The following KCNG3 variants were observed in gnomAD, a reference collection of about 807,000 sequenced individuals.
KCNG3 encodes voltage-gated potassium channel regulatory subunit KCNG3.
KCNG3 carries 15 observed loss-of-function variants against 29.0 expected under a neutral mutation model. That is an observed-to-expected ratio of 0.52 (90% CI 0.35 to 0.80). KCNG3 has a LOEUF of 0.80. Among genes scored for constraint, KCNG3 ranks in the 30% least tolerant of loss-of-function variants. The pLI, the probability that KCNG3 is intolerant of heterozygous loss-of-function variation, is 0.01. For synonymous variants in KCNG3, 322 were observed against 248.9 expected (o/e 1.29, Z -2.76); for missense variants, 512 against 605.7 (o/e 0.85, Z 1.62).
At chr2:42,475,985 G>A (rs1572859511) in intron 1 of KCNG3, among the ~76,000 whole-genome samples, 1 of 152,170 alleles carries the variant, frequency 6.6e-6, no homozygotes, top group Non-Finnish European at 1.5e-5. Flanking sequence ...AGAATCACTT[G>A]AACCCGGGAG....
At chr2:42,464,636 G>A (rs1216530464) in intron 1 of KCNG3, among the ~76,000 whole-genome samples, 1 of 152,154 alleles carries the variant, frequency 6.6e-6, no homozygotes, top group East Asian at 1.9e-4. Context: ...CTAATGGAAA[G>A]TAACACAGTC....
At chr2:42,487,347 C>CTT (rs60025476) in intron 1 of KCNG3, among the ~76,000 whole-genome samples, 1 of 116,972 alleles carries the variant, frequency 8.5e-6, no homozygotes, top group Admixed American at 9.3e-5. Context: ...TTTTTTCTTT[C>CTT]TTTTTTTTTT....
intron 1 of KCNG3, among the ~76,000 whole-genome samples, chr2:42,481,481 G>A (rs1205198092): frequency 6.6e-6 from 1 of 152,078 alleles, no homozygotes; most frequent in Admixed American, 6.6e-5. Context: ...CAGGACCCTG[G>A]AGTCTATACT....
the KCNG3 span, among the ~76,000 whole-genome samples, chr2:42,391,220 T>C: frequency 3.2e-4 from 49 of 152,278 alleles, no homozygotes; most frequent in South Asian, 4.6e-3. Context: ...CATGGTGCTA[T>C]TGAAATCCCC....
At chr2:42,465,232 T>C (rs1673113336) in intron 1 of KCNG3, among the ~76,000 whole-genome samples, 2 of 152,014 alleles carry the variant, frequency 1.3e-5, no homozygotes, top group African/African-American at 2.4e-5. Context: ...TTTTTTTTTT[T>C]TTGAAACAGG....
chr2:42,396,330 G>A, the KCNG3 span, among the ~76,000 whole-genome samples: 1 of 152,142 alleles, frequency 6.6e-6, no homozygotes, highest in Non-Finnish European at 1.5e-5. Context: ...AAAATCTCAG[G>A]AAAAATAGAT....
At chr2:42,427,433 C>A in the KCNG3 span, among the ~76,000 whole-genome samples, 1 of 136,944 alleles carries the variant, frequency 7.3e-6, no homozygotes, top group Non-Finnish European at 1.7e-5. Context: ...GGCAAAACCC[C>A]ATCTCTATTA....
intron 1 of KCNG3, among the ~76,000 whole-genome samples, chr2:42,451,829 G>T (rs983400612): frequency 2.0e-5 from 3 of 152,046 alleles, no homozygotes; most frequent in Admixed American, 6.6e-5. Flanking sequence ...GAGCCCAGGA[G>T]TTCAAGGCTG....
chr2:42,447,666 C>A (rs1240291708), intron 1 of KCNG3, among the ~76,000 whole-genome samples: 1 of 152,038 alleles, frequency 6.6e-6, no homozygotes, highest in Non-Finnish European at 1.5e-5. Flanking sequence ...AGGCACGTAC[C>A]ACCACACTTG....
chr2:42,405,799 C>T, the KCNG3 span, among the ~76,000 whole-genome samples: 46 of 151,976 alleles, frequency 3.0e-4, no homozygotes, highest in African/African-American at 1.0e-3. Flanking sequence ...GTAGTGATGG[C>T]GTTTCACCAT....
chr2:42,417,735 G>A, the KCNG3 span, among the ~76,000 whole-genome samples: 1 of 152,228 alleles, frequency 6.6e-6, no homozygotes, highest in South Asian at 2.1e-4. Flanking sequence ...CACTTTGGGA[G>A]GCCAAGGCAG....
At chr2:42,415,621 T>C in the KCNG3 span, 1 of 152,230 alleles carries the variant, frequency 6.6e-6, no homozygotes, top group Non-Finnish European at 1.5e-5. Context: ...TTGGAAGTTG[T>C]TAGCTACTAC....
At chr2:42,397,823 G>T in the KCNG3 span, among the ~76,000 whole-genome samples, 3 of 152,200 alleles carry the variant, frequency 2.0e-5, no homozygotes, top group South Asian at 6.2e-4. Context: ...TTTGTGTTAT[G>T]CATGAGAAAA....
intron 1 of KCNG3, among the ~76,000 whole-genome samples, chr2:42,457,529 G>C (rs1384896617): frequency 6.6e-6 from 1 of 151,124 alleles, no homozygotes; most frequent in Non-Finnish European, 1.5e-5. Flanking sequence ...ATGTCACACA[G>C]ATAATAAATG....
the KCNG3 span, chr2:42,424,711 T>C: frequency 2.0e-5 from 3 of 152,090 alleles, no homozygotes; most frequent in African/African-American, 7.2e-5. Flanking sequence ...GACGAATGGG[T>C]TCCTGTCTTA....
At chr2:42,449,514 C>CTTTTTTT (rs36088470) in intron 1 of KCNG3, among the ~76,000 whole-genome samples, 8 of 99,446 alleles carry the variant, frequency 8.0e-5, no homozygotes, top group African/African-American at 1.5e-4. Flanking sequence ...ACTGAGATTT[C>CTTTTTTT]TTTTTTTTTT....
the KCNG3 span, among the ~76,000 whole-genome samples, chr2:42,401,141 T>G: frequency 6.7e-6 from 1 of 149,882 alleles, no homozygotes; most frequent in East Asian, 1.9e-4. Flanking sequence ...GCGTATATAT[T>G]ATATATACAT....
chr2:42,471,891 A>AG, intron 1 of KCNG3, among the ~76,000 whole-genome samples: 1 of 151,708 alleles, frequency 6.6e-6, no homozygotes, highest in African/African-American at 2.4e-5. Flanking sequence ...ATCTCAAAAA[A>AG]AAAAAAAAAA....
chr2:42,417,777 C>T, the KCNG3 span, among the ~76,000 whole-genome samples: 2 of 151,900 alleles, frequency 1.3e-5, no homozygotes, highest in African/African-American at 2.4e-5. Context: ...TTGAGACCAG[C>T]CTGGCCAGCA....
Sources: allele counts gnomAD v4.1 joint callset (sites outside exome capture counted in the v4.1 genomes callset), GRCh38; gene constraint gnomAD v4.1.1; transcripts MANE v1.5; gene names NCBI Gene and HGNC (gene_info 2026-07-23, HGNC 2026-07-21).